TMEM135: variants seen among roughly 807,000 people sequenced by gnomAD.
TMEM135 encodes transmembrane protein 135.
Under a neutral mutation model 60.3 loss-of-function variants are expected in TMEM135, and 30 were observed. That is an observed-to-expected ratio of 0.50 (90% CI 0.37 to 0.68). The LOEUF is 0.68. TMEM135 is among the 30% of genes least tolerant of loss of function. The probability of loss-of-function intolerance (pLI) is 0.00; values close to 1 mark genes in which losing one functional copy is unlikely to be tolerated. For missense variants in TMEM135, 468 were observed against 548.8 expected (o/e 0.85, Z 1.47); for synonymous variants, 190 against 186.7 (o/e 1.02, Z -0.14).
rs1432549951 is a variant in TMEM135, at chr11:87,313,426, G to T, written c.938G>T (p.Gly313Val). 2 of 1,607,992 alleles carry T rather than the reference G, an allele frequency of 1.2e-6. No homozygotes were observed. The highest frequency in any genetic ancestry group is 4.5e-5 in the East Asian group (2 of 44,722). Reference protein sequence around the residue: ...FLGSFVSIYKGTSCFLRWIRN... With the variant: ...FLGSFVSIYKVTSCFLRWIRN... Reference sequence around the variant, plus strand: ...TCATTGTATTTTCTCCTTAACTAGGGTACTAGTTGCTTCCTGCGCTGGATC... The same window carrying T: ...TCATTGTATTTTCTCCTTAACTAGGTTACTAGTTGCTTCCTGCGCTGGATC... The change falls in exon 11 of 15, where the codon GGT becomes GTT. Residue 313 changes from glycine to valine, a missense_variant and splice_region_variant. By Grantham distance (109) the Gly-to-Val change is moderately radical. Transcript: ENST00000305494.
At chr11:87,120,561 T>A (rs1858028669) in intron 4 of TMEM135, among the ~76,000 whole-genome samples, 1 of 139,310 alleles carries the variant, frequency 7.2e-6, no homozygotes, top group African/African-American at 2.7e-5. Context: ...AACCTCCACC[T>A]CCCTGGTTCA....
At chr11:87,301,584 T>A (rs1477848235) in intron 7 of TMEM135, among the ~76,000 whole-genome samples, 1 of 152,032 alleles carries the variant, frequency 6.6e-6, no homozygotes, top group Non-Finnish European at 1.5e-5. Context: ...TTGTTATTGA[T>A]CCCGTTCTAT....
At chr11:87,119,445 G>A (rs1232643147) in intron 4 of TMEM135, among the ~76,000 whole-genome samples, 2 of 152,248 alleles carry the variant, frequency 1.3e-5, no homozygotes, top group African/African-American at 4.8e-5. Context: ...GCTCATGCGT[G>A]TAATCGCAGC....
chr11:87,098,142 A>ATT (rs11368149), intron 4 of TMEM135, among the ~76,000 whole-genome samples: 2 of 147,984 alleles, frequency 1.4e-5, no homozygotes, highest in Non-Finnish European at 3.0e-5. Context: ...GAGGTTGCAA[A>ATT]TTTTTTTTTT....
chr11:87,123,688 A>G (rs778142309), intron 4 of TMEM135, among the ~76,000 whole-genome samples: 25 of 152,198 alleles, frequency 1.6e-4, no homozygotes, highest in Non-Finnish European at 2.8e-4. Flanking sequence ...CATGTGCTCT[A>G]TTTGCTTATT....
At chr11:87,112,973 T>TTTTGCAC (rs1414414367) in intron 4 of TMEM135, among the ~76,000 whole-genome samples, 3 of 152,104 alleles carry the variant, frequency 2.0e-5, no homozygotes, top group African/African-American at 7.2e-5. Flanking sequence ...TTCTGGAATT[T>TTTTGCAC]TTTGCACTTT....
At chr11:87,187,958 T>G (rs1365112326) in intron 5 of TMEM135, among the ~76,000 whole-genome samples, 4 of 152,214 alleles carry the variant, frequency 2.6e-5, no homozygotes, top group Non-Finnish European at 1.5e-5. Flanking sequence ...CCAGTTAATG[T>G]TGTCTTTATC....
chr11:87,319,126 C>CA, intron 13 of TMEM135, 184 bp from the exon 14 acceptor site: 1 of 590,690 alleles, frequency 1.7e-6, no homozygotes, highest in Non-Finnish European at 3.0e-6. Context: ...GCCTCGGCCT[C>CA]CCCAAGTGCT....
At chr11:87,107,074 C>T (rs1441962269) in intron 4 of TMEM135, among the ~76,000 whole-genome samples, 1 of 152,142 alleles carries the variant, frequency 6.6e-6, no homozygotes, top group African/African-American at 2.4e-5. Flanking sequence ...AAACACTTCC[C>T]ACTGGGCCCC....
At chr11:87,104,411 GT>G (rs1483611702) in intron 4 of TMEM135, among the ~76,000 whole-genome samples, 2 of 152,072 alleles carry the variant, frequency 1.3e-5, no homozygotes, top group African/African-American at 4.8e-5. Context: ...TTCTTTGGCT[GT>G]TTGGGGTCTT....
intron 5 of TMEM135, among the ~76,000 whole-genome samples, chr11:87,221,210 C>T (rs1274048427): frequency 6.6e-6 from 1 of 152,184 alleles, no homozygotes; most frequent in Middle Eastern, 3.4e-3. Context: ...GCTAAAATAC[C>T]ATATGAGGAT....
chr11:87,166,635 G>A (rs1939056887), intron 5 of TMEM135, among the ~76,000 whole-genome samples: 1 of 151,586 alleles, frequency 6.6e-6, no homozygotes, highest in African/African-American at 2.4e-5. Flanking sequence ...CGTTATTTCT[G>A]AGGCCTCTGT....
intron 3 of TMEM135, among the ~76,000 whole-genome samples, chr11:87,076,241 A>G (rs1194424681): frequency 1.3e-5 from 2 of 152,144 alleles, no homozygotes; most frequent in African/African-American, 4.8e-5. Flanking sequence ...TGGTGCTCAA[A>G]CCACAATATA....
intron 6 of TMEM135, among the ~76,000 whole-genome samples, chr11:87,242,342 T>C (rs1479933851): frequency 6.6e-6 from 1 of 151,536 alleles, no homozygotes; most frequent in East Asian, 1.9e-4. Flanking sequence ...AGCAGCATGT[T>C]TTATAGTCCT....
chr11:87,157,610 G>T, intron 5 of TMEM135: 1 of 501,018 alleles, frequency 2.0e-6, no homozygotes. Flanking sequence ...ACAAATTACT[G>T]TCTTTTTACC....
chr11:87,144,757 T>G (rs1365652174), intron 4 of TMEM135, among the ~76,000 whole-genome samples: 5 of 50,744 alleles, frequency 9.9e-5, no homozygotes, highest in African/African-American at 5.7e-4. Context: ...TTTCAAGAGT[T>G]TTTTTTTTTA....
rs761848227 is a variant in TMEM135, at chr11:87,071,580, A to G, written c.327A>G (p.Ala109=). Reference sequence around the variant, plus strand: ...CTGGCTTTGGTGCCGCTCTGCCAGCATCTTATGTGGCCATTCTCATTGAAA... The same window carrying G: ...CTGGCTTTGGTGCCGCTCTGCCAGCGTCTTATGTGGCCATTCTCATTGAAA... ...WTPGFGAALP[A]SYVAILIERK... Residue 109 remains alanine, a synonymous_variant, in exon 3 of 15, where the codon GCA becomes GCG. Transcript: ENST00000305494. 5.6e-6 allele frequency: 9 copies of G among 1,613,830 alleles called. No individual in the cohort carries two copies. The Admixed American group carries it at 1.2e-4, about 21-fold the overall frequency.
chr11:87,091,887 G>T (rs1457718077), intron 4 of TMEM135, among the ~76,000 whole-genome samples: 2 of 150,396 alleles, frequency 1.3e-5, no homozygotes, highest in Non-Finnish European at 3.0e-5. Flanking sequence ...TTACAAAAAT[G>T]AAGTTAATGT....
chr11:87,077,546 C>T (rs958168426), intron 3 of TMEM135, among the ~76,000 whole-genome samples: 1 of 152,142 alleles, frequency 6.6e-6, no homozygotes, highest in Non-Finnish European at 1.5e-5. Context: ...ACCTGTTTCC[C>T]TTTTTGGGAA....
Sources: allele counts gnomAD v4.1 joint callset (sites outside exome capture counted in the v4.1 genomes callset), GRCh38; gene constraint gnomAD v4.1.1; transcripts MANE v1.5; gene names NCBI Gene and HGNC (gene_info 2026-07-23, HGNC 2026-07-21).